The following DHRS7B variants were observed in gnomAD, a reference collection of about 807,000 sequenced individuals.
The protein encoded by DHRS7B is dehydrogenase/reductase 7B.
A neutral mutation model predicts 26.4 loss-of-function variants in DHRS7B; 24 were observed. The observed-to-expected ratio is 0.91, with a 90% CI of 0.66 to 1.28. The LOEUF is 1.28. DHRS7B is among the 50% of genes most tolerant of loss of function. The pLI is 0.00. For synonymous variants in DHRS7B, 142 were observed against 166.4 expected (o/e 0.85, Z 1.13); for missense variants, 368 against 419.4 (o/e 0.88, Z 1.07).
At chr17:21,138,131 C>CAT (rs1391731370) in intron 1 of DHRS7B, among the ~76,000 whole-genome samples, 1 of 138,586 alleles carries the variant, frequency 7.2e-6, no homozygotes, top group Admixed American at 7.3e-5. Context: ...CACACACACA[C>CAT]ATATATTTAT....
intron 2 of DHRS7B, among the ~76,000 whole-genome samples, chr17:21,174,234 G>A (rs1974323898): frequency 1.3e-5 from 2 of 152,246 alleles, no homozygotes; most frequent in South Asian, 4.1e-4. Flanking sequence ...CCACCCGGAA[G>A]GTTTGGAGTT....
chr17:21,184,518 TA>T, intron 5 of DHRS7B, 55 bp downstream of exon 5: 1 of 1,503,706 alleles, frequency 6.7e-7, no homozygotes, highest in Non-Finnish European at 9.2e-7. Context: ...TTCCTGATTA[TA>T]AAAATAACAC....
intron 1 of DHRS7B, among the ~76,000 whole-genome samples, chr17:21,165,312 T>C (rs1251858568): frequency 6.6e-6 from 1 of 152,056 alleles, no homozygotes; most frequent in African/African-American, 2.4e-5. Context: ...GTGACATTAT[T>C]CCAGTGTCTT....
At chr17:21,172,278 C>G (rs1597751632) in intron 2 of DHRS7B, 82 bp downstream of exon 2, 4 of 1,501,634 alleles carry the variant, frequency 2.7e-6, no homozygotes, top group Middle Eastern at 4.5e-4. Flanking sequence ...CAGGGACCAC[C>G]AGCGCAAATG....
intron 5 of DHRS7B, among the ~76,000 whole-genome samples, chr17:21,185,530 C>A (rs1403151949): frequency 1.3e-5 from 2 of 152,186 alleles, no homozygotes; most frequent in Non-Finnish European, 2.9e-5. Flanking sequence ...CATGCTTGTA[C>A]ATGCATGATT....
At chr17:21,173,700 A>G (rs1974311172) in intron 2 of DHRS7B, among the ~76,000 whole-genome samples, 1 of 152,240 alleles carries the variant, frequency 6.6e-6, no homozygotes, top group Non-Finnish European at 1.5e-5. Context: ...TTGGATATCC[A>G]GACCTTTGCA....
rs920432284 is a variant in DHRS7B, at chr17:21,154,141, C to T, written c.21-17877C>T. Among the ~76,000 whole-genome samples, 2 of 151,974 alleles carry T rather than the reference C, an allele frequency of 1.3e-5. 1 individual carries two copies. On this transcript the variant is annotated intron_variant, in intron 1 of 6. Coordinates refer to ENST00000395511, the MANE Select transcript of DHRS7B (RefSeq NM_015510.5). ...CTGGCCAAACATGGTGAAACCCTGT[C>T]TCTACTAATAATACAAAAATTAACT...
chr17:21,155,542 T>G (rs1453195180), intron 1 of DHRS7B, among the ~76,000 whole-genome samples: 2 of 152,204 alleles, frequency 1.3e-5, no homozygotes, highest in African/African-American at 4.8e-5. Flanking sequence ...TTTGGAGACT[T>G]CAATGCTCCT....
chr17:21,166,134 T>C (rs1974108807), intron 1 of DHRS7B: 1 of 985,190 alleles, frequency 1.0e-6, no homozygotes, highest in Non-Finnish European at 1.2e-6. Context: ...CCGCCCCCCC[T>C]CACAGGATTG....
chr17:21,154,311 C>CAA (rs879676183), intron 1 of DHRS7B, among the ~76,000 whole-genome samples: 3 of 123,152 alleles, frequency 2.4e-5, no homozygotes, highest in East Asian at 2.3e-4. Flanking sequence ...GCTCTCTCTC[C>CAA]AAAAAAAAAA....
intron 1 of DHRS7B, among the ~76,000 whole-genome samples, chr17:21,142,222 CGTGACAGGGGCT>C (rs1161616424): frequency 3.9e-5 from 6 of 152,124 alleles, no homozygotes; most frequent in Non-Finnish European, 5.9e-5. Context: ...CCAGAGGGTA[CGTGACAGGGGCT>C]GCAAGCACCG....
At chr17:21,155,807 G>C (rs1481664957) in intron 1 of DHRS7B, among the ~76,000 whole-genome samples, 1 of 152,120 alleles carries the variant, frequency 6.6e-6, no homozygotes, top group Non-Finnish European at 1.5e-5. Flanking sequence ...ATCAGTAACA[G>C]AAAGATAACT....
intron 1 of DHRS7B, among the ~76,000 whole-genome samples, chr17:21,147,853 G>T (rs1217955130): frequency 6.6e-6 from 1 of 152,036 alleles, no homozygotes; most frequent in Non-Finnish European, 1.5e-5. Context: ...AATCATAATG[G>T]CTGCTCAGCA....
intron 1 of DHRS7B, among the ~76,000 whole-genome samples, chr17:21,138,653 A>G (rs2143899831): frequency 6.6e-6 from 1 of 152,244 alleles, no homozygotes; most frequent in Admixed American, 6.5e-5. Context: ...TATTTTTAAA[A>G]CTTTCTTTAC....
intron 1 of DHRS7B, among the ~76,000 whole-genome samples, chr17:21,164,486 TA>T (rs1974068538): frequency 6.6e-6 from 1 of 152,226 alleles, no homozygotes; most frequent in African/African-American, 2.4e-5. Context: ...TTGCTGTTGT[TA>T]TATGTAATTT....
chr17:21,162,229 C>T (rs1240326662), intron 1 of DHRS7B, among the ~76,000 whole-genome samples: 2 of 152,074 alleles, frequency 1.3e-5, no homozygotes, highest in Non-Finnish European at 1.5e-5. Flanking sequence ...TAATCCCTAG[C>T]GAATGACATA....
chr17:21,186,415 C>T (rs1974636228), intron 5 of DHRS7B, among the ~76,000 whole-genome samples: 1 of 152,220 alleles, frequency 6.6e-6, no homozygotes, highest in Non-Finnish European at 1.5e-5. Flanking sequence ...CCACTCTTCC[C>T]TGTCCCCAAG....
chr17:21,181,318 T>G (rs1974510268), intron 3 of DHRS7B, among the ~76,000 whole-genome samples: 1 of 152,130 alleles, frequency 6.6e-6, no homozygotes, highest in Non-Finnish European at 1.5e-5. Context: ...ACTCCAGGCC[T>G]CAACTGAGTT....
intron 1 of DHRS7B, among the ~76,000 whole-genome samples, chr17:21,151,952 A>G (rs1973781305): frequency 6.6e-6 from 1 of 151,972 alleles, no homozygotes; most frequent in South Asian, 2.1e-4. Context: ...TGGCTGTGTA[A>G]AAGTTTGTGG....
Sources: gnomAD v4.1 joint callset for allele counts (sites outside exome capture counted in the v4.1 genomes callset) on GRCh38, gnomAD v4.1.1 for gene constraint, MANE v1.5 for transcripts, NCBI Gene and HGNC (gene_info 2026-07-23, HGNC 2026-07-21) for gene names.